The following CABP1 variants were observed in gnomAD, a reference collection of about 807,000 sequenced individuals.
CABP1 encodes the protein calcium binding protein 1.
CABP1 carries 17 observed loss-of-function variants against 34.3 expected under a neutral mutation model. That is an observed-to-expected ratio of 0.50 (90% CI 0.34 to 0.74). The LOEUF is 0.74. CABP1 is among the 30% of genes least tolerant of loss of function. The probability of loss-of-function intolerance (pLI) is 0.01; values close to 1 mark genes in which losing one functional copy is unlikely to be tolerated. For synonymous variants in CABP1, 198 were observed against 229.2 expected (o/e 0.86, Z 1.23); for missense variants, 373 against 511.1 (o/e 0.73, Z 2.61).
downstream of CABP1, among the ~76,000 whole-genome samples, chr12:120,667,869 A>G (rs891622528): frequency 6.6e-6 from 1 of 152,182 alleles, no homozygotes; most frequent in Non-Finnish European, 1.5e-5. Context: ...CTGCTAAGGG[A>G]GACTGAAGAA....
At position 120,660,900 on chromosome 12, in the gene CABP1, T is replaced by C. The variant is rs1022596307; in HGVS notation, c.939+60T>C. 3.5e-6 allele frequency: 5 copies of C among 1,429,822 alleles called. No individual in the cohort carries two copies. Among genetic ancestry groups the C allele is most frequent in the African/African-American group, 1.4e-5 (1 of 71,314 alleles). 88.6% of individuals were successfully genotyped at this position (1,429,822 alleles called of 1,614,324 possible). ...ATTGGAATCCTATCTGCAGTATAAA[T>C]ACTTCAAAAGAAGCCTGAGCCTCAA... is the stretch of plus-strand genomic sequence containing the variant. On this transcript the variant is annotated intron_variant, in intron 4 of 5. Coordinates refer to ENST00000316803, the MANE Select transcript of CABP1 (RefSeq NM_001033677.2). This position sits in a 1 kb window ranked among gnomAD's most constrained non-coding sequence, Gnocchi z 5.0.
Position 120,660,407 on chromosome 12 carries a change from G to A in CABP1, c.829+68G>A, listed in dbSNP as rs1880553360. ...CCTTGCCGTCCTCTGCAGTCAGACA[G>A]GACTGGCTTCAAATTCTGCATCCAC... On this transcript the variant is annotated intron_variant, in intron 3 of 5. Coordinates refer to ENST00000316803, the MANE Select transcript of CABP1 (RefSeq NM_001033677.2). This position sits in a 1 kb window ranked among gnomAD's most constrained non-coding sequence, Gnocchi z 5.0. The A allele has an allele frequency of 6.6e-7, 1 of 1,520,416 alleles. No homozygotes were observed. The highest frequency in any genetic ancestry group is 1.4e-5 in the African/African-American group (1 of 72,680). 94.2% of individuals were successfully genotyped at this position (1,520,416 alleles called of 1,614,324 possible). A position where few individuals can be genotyped will look rare whatever the true frequency, so the allele number is the denominator to read the frequency against.
chr12:120,656,110 G>A (rs762828769), intron 1 of CABP1: 4 of 1,614,230 alleles, frequency 2.5e-6, no homozygotes, highest in Admixed American at 1.7e-5. Flanking sequence ...AGGAGGAACA[G>A]ACCAGCTACA....
intron 5 of CABP1, among the ~76,000 whole-genome samples, chr12:120,663,873 G>T (rs478415): frequency 2.0e-3 from 303 of 152,264 alleles, no homozygotes; most frequent in African/African-American, 7.1e-3. Context: ...GAGGCACTAC[G>T]GGATACAGGG....
At chr12:120,653,694 C>A (rs890896124) in intron 1 of CABP1, among the ~76,000 whole-genome samples, 1 of 152,094 alleles carries the variant, frequency 6.6e-6, no homozygotes, top group Non-Finnish European at 1.5e-5. Flanking sequence ...CCACCACACG[C>A]GGCTAATTTT....
At chr12:120,677,084 G>GTTTT in the CABP1 span, among the ~76,000 whole-genome samples, 1 of 127,788 alleles carries the variant, frequency 7.8e-6, no homozygotes, top group African/African-American at 2.9e-5. Context: ...GAAGTTTGTG[G>GTTTT]TTTTTTTTTT....
At chr12:120,643,081 G>A (rs114956355) in intron 1 of CABP1, among the ~76,000 whole-genome samples, 2,122 of 150,528 alleles carry the variant, frequency 0.014, 54 homozygotes, top group African/African-American at 0.049. Flanking sequence ...GCATTGTAGC[G>A]ACGTGCTTTT....
At chr12:120,671,297 C>G (rs184614056), downstream of CABP1, among the ~76,000 whole-genome samples, 1 of 152,116 alleles carries the variant, frequency 6.6e-6, no homozygotes, top group Non-Finnish European at 1.5e-5. Context: ...CCCAGCTACT[C>G]GGGAGGCTGA....
downstream of CABP1, among the ~76,000 whole-genome samples, chr12:120,669,604 A>T (rs552101104): frequency 2.6e-5 from 4 of 152,178 alleles, no homozygotes; most frequent in Non-Finnish European, 4.4e-5. Flanking sequence ...AAATACAAAA[A>T]TTAGCCAGGC....
At position 120,660,206 on chromosome 12, in the gene CABP1, G is replaced by T. The variant is rs758513100; in HGVS notation, c.696G>T (p.Glu232Asp). 1 of 1,614,104 alleles carries T rather than the reference G, an allele frequency of 6.2e-7. No individual in the cohort carries two copies. The highest frequency in any genetic ancestry group is 1.1e-5 in the South Asian group (1 of 91,076). The change falls in exon 3 of 6, where the codon GAG becomes GAT. Residue 232 changes from glutamate to aspartate, a missense_variant. Around this residue, in one of 4 missense-constraint regions of CABP1, gnomAD observed 109 missense variants for 204.8 expected, o/e 0.53. Coordinates refer to ENST00000316803, the MANE Select transcript of CABP1 (RefSeq NM_001033677.2). This position sits in a 1 kb window ranked among gnomAD's most constrained non-coding sequence, Gnocchi z 5.0. ...LRPEEIEELR[E>D]AFREFDKDKD... ...TGCTCACTTCCCCAGAGCTCCGAGA[G>T]GCCTTCAGAGAATTCGACAAGGACA... is the stretch of plus-strand genomic sequence containing the variant.
downstream of CABP1, among the ~76,000 whole-genome samples, chr12:120,670,324 T>C (rs1206086011): frequency 1.3e-5 from 2 of 152,200 alleles, no homozygotes; most frequent in African/African-American, 4.8e-5. Flanking sequence ...GTTCCTAGTA[T>C]GACTGTTTGA....
At chr12:120,658,778 T>A (rs11065191) in intron 1 of CABP1, among the ~76,000 whole-genome samples, 5,279 of 152,220 alleles carry the variant, frequency 0.035, 282 homozygotes, top group East Asian at 0.26. Context: ...TCTGTGTTCG[T>A]GGGAGGTATG....
chr12:120,656,159 G>A (rs1246706665), intron 1 of CABP1: 4 of 1,613,964 alleles, frequency 2.5e-6, no homozygotes, highest in East Asian at 2.2e-5. Context: ...GGCGGCTGAC[G>A]CCGAGCTCCC....
At position 120,641,509 on chromosome 12, in the gene CABP1, T is replaced by A. The variant is rs1879322439; in HGVS notation, c.654+170T>A. 3.1e-6 allele frequency: 2 copies of A among 653,882 alleles called. No homozygotes were observed. The highest frequency in any genetic ancestry group is 3.8e-5 in the African/African-American group (2 of 53,122). The allele number at this position is 653,882 out of a possible 1,614,324, so 40.5% of individuals were successfully genotyped here. A position where few individuals can be genotyped will look rare whatever the true frequency, so the allele number is the denominator to read the frequency against. On this transcript the variant is annotated intron_variant, in intron 1 of 5. Coordinates refer to ENST00000316803, the MANE Select transcript of CABP1 (RefSeq NM_001033677.2). This position sits in a 1 kb window ranked among gnomAD's most constrained non-coding sequence, Gnocchi z 6.7. ...CCCTTGCCGGCACTCCTCCTCCCCG[T>A]GCCTGATTCAGCACCCCGTGCGCTG... is the stretch of plus-strand genomic sequence containing the variant.
chr12:120,680,307 GGAGAAAGGAGACTCA>G, the CABP1 span, among the ~76,000 whole-genome samples: 2 of 152,194 alleles, frequency 1.3e-5, no homozygotes, highest in African/African-American at 4.8e-5. Flanking sequence ...GTGCGTTTCA[GGAGAAAGGAGACTCA>G]GCAAGAAAGG....
rs908493543 is a variant in CABP1, at chr12:120,641,545, G to C, written c.654+206G>C. 2 of 454,162 alleles carry C rather than the reference G, an allele frequency of 4.4e-6. No homozygotes were observed. Among genetic ancestry groups the C allele is most frequent in the African/African-American group, 2.0e-5 (1 of 49,386 alleles). 28.1% of individuals were successfully genotyped at this position (454,162 alleles called of 1,614,324 possible). Reference sequence around the variant, plus strand: ...GCACCCCGTGCGCTGTCCACGCTCCGGGCCTCTTGGGGCAAGGCCCTCCCC... The same window carrying C: ...GCACCCCGTGCGCTGTCCACGCTCCCGGCCTCTTGGGGCAAGGCCCTCCCC... On this transcript the variant is annotated intron_variant, in intron 1 of 5. Coordinates refer to ENST00000316803, the MANE Select transcript of CABP1 (RefSeq NM_001033677.2). This position sits in a 1 kb window ranked among gnomAD's most constrained non-coding sequence, Gnocchi z 6.7.
At position 120,656,108 on chromosome 12, in the gene CABP1, C is replaced by G. The variant is rs144243264; in HGVS notation, c.655-3770C>G. ...CTGGCTGAAGATGTGCCAGGAGGAA[C>G]AGACCAGCTACATGGTGGTGCAGAC... On this transcript the variant is annotated intron_variant, in intron 1 of 5. Coordinates refer to ENST00000316803, the MANE Select transcript of CABP1 (RefSeq NM_001033677.2). 1.0e-3 allele frequency: 1,640 copies of G among 1,614,202 alleles called. 3 individuals are homozygous for G. The highest frequency in any genetic ancestry group is 9.7e-4 in the Non-Finnish European group (1,150 of 1,180,046).
At chr12:120,649,459 T>G (rs1879708406) in intron 1 of CABP1, among the ~76,000 whole-genome samples, 1 of 152,124 alleles carries the variant, frequency 6.6e-6, no homozygotes, top group Non-Finnish European at 1.5e-5. Flanking sequence ...ACCGGACATC[T>G]GAGGCGTGAG....
the CABP1 span, among the ~76,000 whole-genome samples, chr12:120,680,095 TC>T: frequency 6.6e-6 from 1 of 151,166 alleles, no homozygotes; most frequent in African/African-American, 2.4e-5. Flanking sequence ...ATTGCTTGAA[TC>T]CGGGAGGCAG....
Sources: gnomAD v4.1 joint callset for allele counts (sites outside exome capture counted in the v4.1 genomes callset) on GRCh38, gnomAD v4.1.1 for gene constraint, gnomAD v4.1.1 regional missense constraint, Gnocchi (gnomAD v3.1) non-coding constraint, MANE v1.5 for transcripts, NCBI Gene and HGNC (gene_info 2026-07-23, HGNC 2026-07-21) for gene names.